Variants in PIKFYVE observed in about 807,000 individuals in gnomAD.
PIKFYVE encodes phosphoinositide kinase, FYVE-type zinc finger containing, also known as 1-phosphatidylinositol 3-phosphate 5-kinase.
Under a neutral mutation model 257.9 loss-of-function variants are expected in PIKFYVE, and 122 were observed. The observed-to-expected ratio is 0.47, with a 90% CI of 0.41 to 0.55. PIKFYVE has a LOEUF of 0.55. Ranked by LOEUF, PIKFYVE falls within the 20% of genes least tolerant of loss-of-function variation. The pLI is 0.00. For missense variants in PIKFYVE, 2,160 were observed against 2,536.6 expected (o/e 0.85, Z 3.19); for synonymous variants, 892 against 868.9 (o/e 1.03, Z -0.47).
chr2:208,354,017 A>G lies in PIKFYVE; in HGVS notation c.5964A>G (p.Leu1988=), dbSNP rs774554872. The G allele has an allele frequency of 6.8e-6, 11 of 1,614,078 alleles. No individual in the cohort carries two copies. The highest frequency in any genetic ancestry group is 9.3e-6 in the Non-Finnish European group (11 of 1,179,970). ...TAAAGATGGTTCGAGACAACCCTCT[A>G]TATATTCGTTCTCATTCCAAAGCTG... is the stretch of plus-strand genomic sequence containing the variant. The part of the protein sequence containing the change: ...NLLKMVRDNP[L]YIRSHSKAVL... Residue 1988 remains leucine, a synonymous_variant, in exon 40 of 42, where the codon CTA becomes CTG. Coordinates refer to ENST00000264380, the MANE Select transcript of PIKFYVE (RefSeq NM_015040.4).
At position 208,285,882 on chromosome 2, in the gene PIKFYVE, G is replaced by C; in HGVS notation, c.770G>C (p.Ser257Thr). ...DPSEPRTPVG[S>T]RKASRNIFLE... ...AGTGAACCCCGAACACCTGTTGGGA[G>C]TAGGAAAGCCAGCCGTAACATATTT... Residue 257 changes from serine to threonine, a missense_variant, in exon 6 of 42, where the codon AGT becomes ACT. Physicochemically the swap from Ser to Thr is moderately conservative, Grantham distance 58. This residue lies in a region of PIKFYVE where 187 missense variants were observed against 185.6 expected (regional missense o/e 1.01). Coordinates refer to ENST00000264380, the MANE Select transcript of PIKFYVE (RefSeq NM_015040.4). 6.2e-7 allele frequency: 1 copy of C among 1,614,168 alleles called. No homozygotes were observed.
At chr2:208,340,521 G>A (rs1698596619) in intron 31 of PIKFYVE, among the ~76,000 whole-genome samples, 1 of 152,200 alleles carries the variant, frequency 6.6e-6, no homozygotes, top group African/African-American at 2.4e-5. Flanking sequence ...ATGAACTACA[G>A]TGACTTGTAC....
At position 208,302,338 on chromosome 2, in the gene PIKFYVE, G is replaced by A. The variant is rs1265143135; in HGVS notation, c.1305G>A (p.Leu435=). The A allele has an allele frequency of 1.2e-6, 2 of 1,613,730 alleles. No homozygotes were observed. The highest frequency in any genetic ancestry group is 1.3e-5 in the African/African-American group (1 of 74,920). The part of the protein sequence containing the change: ...HDQLFRDEYA[L]YRPLQSTEFS... ...AGCTTTTCAGAGATGAGTATGCGCTGTATAGACCACTGCAGGTACTTTTCA... is the reference window on the plus strand; with the variant it reads ...AGCTTTTCAGAGATGAGTATGCGCTATATAGACCACTGCAGGTACTTTTCA... The change falls in exon 10 of 42, where the codon CTG becomes CTA. Residue 435 remains leucine, a synonymous_variant. Transcript: ENST00000264380.
Position 208,337,041 on chromosome 2 carries a change from G to C in PIKFYVE, c.4611+113G>C, listed in dbSNP as rs543250290. 10 of 784,524 alleles carry C rather than the reference G, an allele frequency of 1.3e-5. No individual in the cohort carries two copies. The East Asian group carries it at 3.0e-4, about 24-fold the overall frequency. 48.6% of individuals were successfully genotyped at this position (784,524 alleles called of 1,614,324 possible). A position where few individuals can be genotyped will look rare whatever the true frequency, so the allele number is the denominator to read the frequency against. ...GTACTTTAGTAATGATATCCAGTAG[G>C]GTTTTCCATTTTGAATTTGTGAGGT... is the stretch of plus-strand genomic sequence containing the variant. On this transcript the variant is annotated intron_variant, in intron 28 of 41. Coordinates refer to ENST00000264380, the MANE Select transcript of PIKFYVE (RefSeq NM_015040.4).
chr2:208,284,391 G>T (rs1691263654), intron 5 of PIKFYVE, among the ~76,000 whole-genome samples: 1 of 151,824 alleles, frequency 6.6e-6, no homozygotes, highest in African/African-American at 2.4e-5. Context: ...CTCCCGAGTA[G>T]CTGGGATTAC....
chr2:208,305,445 T>C (rs1574536845), intron 12 of PIKFYVE: 11 of 997,272 alleles, frequency 1.1e-5, no homozygotes, highest in Non-Finnish European at 1.3e-5. Context: ...TTGAACTAGA[T>C]TGGGGGAAAA....
At position 208,285,942 on chromosome 2, in the gene PIKFYVE, C is replaced by T. The variant is rs367995722; in HGVS notation, c.821+9C>T. The T allele has an allele frequency of 1.2e-6, 2 of 1,610,584 alleles. No homozygotes were observed. The highest frequency in any genetic ancestry group is 2.7e-5 in the African/African-American group (2 of 74,918). On this transcript the variant is annotated intron_variant, in intron 6 of 41. Transcript: ENST00000264380. ...GATTTGGCCTGGCAAAGGTATTGTC[C>T]CTTAAATATAATTTTATTTAGAGTT...
chr2:208,325,430 C>CATGG lies in PIKFYVE; in HGVS notation c.2623_2626dup (p.Glu876GlyfsTer2), dbSNP rs1559129150. On this transcript the variant is annotated frameshift_variant, in exon 20 of 42. Coordinates refer to ENST00000264380, the MANE Select transcript of PIKFYVE (RefSeq NM_015040.4). LOFTEE classifies it high-confidence loss of function. ...ATTCTCAACTAGAAATATCCTTTCTCATGGATGAATTTGCTATGCCTCCCA... is the reference window on the plus strand; with the variant it reads ...ATTCTCAACTAGAAATATCCTTTCTCATGGATGGATGAATTTGCTATGCCTCCCA... 1 of 1,614,174 alleles carries CATGG rather than the reference C, an allele frequency of 6.2e-7. No homozygotes were observed. The highest frequency in any genetic ancestry group is 1.7e-5 in the Admixed American group (1 of 60,018).
intron 29 of PIKFYVE, among the ~76,000 whole-genome samples, chr2:208,338,876 T>C (rs1488785377): frequency 6.6e-6 from 1 of 152,190 alleles, no homozygotes; most frequent in Admixed American, 6.5e-5. Flanking sequence ...ATTGCAAAAA[T>C]CTTATAAAGT....
At chr2:208,292,509 C>G (rs1692447139) in intron 7 of PIKFYVE, among the ~76,000 whole-genome samples, 1 of 152,024 alleles carries the variant, frequency 6.6e-6, no homozygotes, top group South Asian at 2.1e-4. Flanking sequence ...AAGGATTGTT[C>G]TGTCTTTTGG....
intron 33 of PIKFYVE, among the ~76,000 whole-genome samples, chr2:208,345,633 A>AT (rs1422991039): frequency 6.6e-6 from 1 of 152,116 alleles, no homozygotes; most frequent in East Asian, 1.9e-4. Flanking sequence ...TTAGACAGAA[A>AT]TTGTCACATG....
In PIKFYVE at chr2:208,271,694, A is replaced by G; in HGVS notation, c.172+3A>G. 6.2e-7 allele frequency: 1 copy of G among 1,610,080 alleles called. No individual in the cohort carries two copies. Among genetic ancestry groups the G allele is most frequent in the Non-Finnish European group, 8.5e-7 (1 of 1,176,338 alleles). On this transcript the variant is annotated splice_donor_region_variant and intron_variant, in intron 2 of 41. Transcript: ENST00000264380. ...AAATCTCTTTCGTTTTAACAAAGGT[A>G]AGACTTATTAAAGATAAGAGGTTTG... is the stretch of plus-strand genomic sequence containing the variant.
At chr2:208,350,391 G>A (rs1280337462) in intron 36 of PIKFYVE, among the ~76,000 whole-genome samples, 2 of 152,116 alleles carry the variant, frequency 1.3e-5, no homozygotes. Context: ...TTGTGTATAT[G>A]TGTGCCAGAA....
chr2:208,354,164 G>A lies in PIKFYVE; in HGVS notation c.6106+5G>A, dbSNP rs748175389. On this transcript the variant is annotated splice_donor_5th_base_variant and intron_variant, in intron 40 of 41. Transcript: ENST00000264380. The stretch of plus-strand genomic sequence containing the variant: ...AGCTAGTAGTTGGAATTATAGGTAA[G>A]TCAATGAGTACCCTGCTTATATTTC... 6.2e-7 allele frequency: 1 copy of A among 1,612,098 alleles called. No homozygotes were observed. The highest frequency in any genetic ancestry group is 1.1e-5 in the South Asian group (1 of 91,056).
intron 10 of PIKFYVE, among the ~76,000 whole-genome samples, chr2:208,303,021 G>C (rs549815791): frequency 6.6e-6 from 1 of 152,146 alleles, no homozygotes; most frequent in African/African-American, 2.4e-5. Flanking sequence ...GGTGGAGCTT[G>C]CAGTGAGCCG....
At chr2:208,279,784 G>A (rs1049785881) in intron 5 of PIKFYVE, among the ~76,000 whole-genome samples, 1 of 152,088 alleles carries the variant, frequency 6.6e-6, no homozygotes, top group Non-Finnish European at 1.5e-5. Flanking sequence ...CAGTACCACT[G>A]CTGTTTTTGT....
At position 208,271,632 on chromosome 2, in the gene PIKFYVE, A is replaced by G; in HGVS notation, c.113A>G (p.Asp38Gly). The change falls in exon 2 of 42, where the codon GAT becomes GGT. Residue 38 changes from aspartate (D) to glycine (G), a missense_variant. Asp to Gly is a moderately conservative substitution (Grantham distance 94, BLOSUM62 -1). This residue lies in a region of PIKFYVE where 172 missense variants were observed against 180.6 expected (regional missense o/e 0.95). Transcript: ENST00000264380. ...THFKPLTPDQ[D>G]EPPFKSAYSS... Reference sequence around the variant, plus strand: ...TTTAAACCTTTGACTCCTGATCAAGATGAGCCCCCTTTTAAATCAGCTTAT... The same window carrying G: ...TTTAAACCTTTGACTCCTGATCAAGGTGAGCCCCCTTTTAAATCAGCTTAT... 6.2e-7 allele frequency: 1 copy of G among 1,614,098 alleles called. No individual in the cohort carries two copies. The highest frequency in any genetic ancestry group is 8.5e-7 in the Non-Finnish European group (1 of 1,179,964).
intron 7 of PIKFYVE, among the ~76,000 whole-genome samples, chr2:208,295,670 T>C (rs966965303): frequency 6.6e-6 from 1 of 152,202 alleles, no homozygotes; most frequent in African/African-American, 2.4e-5. Flanking sequence ...TCTGTTATGT[T>C]ATAAAGGACA....
intron 13 of PIKFYVE, among the ~76,000 whole-genome samples, chr2:208,313,717 G>A (rs1049018404): frequency 6.6e-6 from 1 of 151,888 alleles, no homozygotes; most frequent in African/African-American, 2.4e-5. Context: ...CTTGTAGCTG[G>A]GATTACAGGC....
Sources: gnomAD v4.1 joint callset for allele counts (sites outside exome capture counted in the v4.1 genomes callset) on GRCh38, gnomAD v4.1.1 for gene constraint, gnomAD v4.1.1 regional missense constraint, MANE v1.5 for transcripts, NCBI Gene and HGNC (gene_info 2026-07-23, HGNC 2026-07-21) for gene names.